Variants in ROBO2 observed in about 807,000 individuals in gnomAD.
ROBO2 encodes roundabout homolog 2.
A neutral mutation model predicts 160.8 loss-of-function variants in ROBO2; 53 were observed. The observed-to-expected ratio is 0.33, with a 90% CI of 0.26 to 0.41. The LOEUF (loss-of-function observed/expected upper bound fraction) is 0.41. ROBO2 is among the 10% of genes least tolerant of loss of function. The pLI, the probability that ROBO2 is intolerant of heterozygous loss-of-function variation, is 1.00. For missense variants in ROBO2, 1,577 were observed against 1,722.4 expected (o/e 0.92, Z 1.49); for synonymous variants, 664 against 611.7 (o/e 1.09, Z -1.26).
At chr3:77,151,575 A>G (rs1227624346) in intron 2 of ROBO2, among the ~76,000 whole-genome samples, 2 of 152,170 alleles carry the variant, frequency 1.3e-5, no homozygotes, top group African/African-American at 4.8e-5. Context: ...TTCTGTTAAC[A>G]TACACTATTT....
intron 6 of ROBO2, among the ~76,000 whole-genome samples, chr3:77,539,036 G>T (rs1010518909): frequency 6.6e-6 from 1 of 152,092 alleles, no homozygotes; most frequent in Admixed American, 6.5e-5. Context: ...TCCTGCCTCA[G>T]CCTCCTGAGG....
chr3:77,610,328 T>C (rs2153697709), intron 21 of ROBO2, among the ~76,000 whole-genome samples: 1 of 152,202 alleles, frequency 6.6e-6, no homozygotes, highest in South Asian at 2.1e-4. Flanking sequence ...TTTTTTGCTC[T>C]CCATACTTAT....
intron 2 of ROBO2, among the ~76,000 whole-genome samples, chr3:77,296,685 G>T (rs142468141): frequency 2.0e-4 from 30 of 152,078 alleles, no homozygotes; most frequent in Non-Finnish European, 3.8e-4. Flanking sequence ...ATTCTAGGCC[G>T]ATGGAAAAGG....
chr3:77,492,312 T>C (rs983552040), intron 4 of ROBO2, among the ~76,000 whole-genome samples: 1 of 152,212 alleles, frequency 6.6e-6, no homozygotes. Flanking sequence ...GGGAAGAAAC[T>C]GGACAAGGAA....
intron 2 of ROBO2, among the ~76,000 whole-genome samples, chr3:76,511,880 G>A (rs1429742619): frequency 1.3e-5 from 2 of 152,170 alleles, no homozygotes; most frequent in African/African-American, 2.4e-5. Flanking sequence ...TTTAACATTG[G>A]TAATGAGGAT....
intron 2 of ROBO2, among the ~76,000 whole-genome samples, chr3:76,819,242 C>T (rs1449637324): frequency 3.9e-5 from 6 of 151,942 alleles, no homozygotes; most frequent in Non-Finnish European, 8.8e-5. Context: ...CCTATCCAAA[C>T]GATATTTAAC....
intron 1 of ROBO2, among the ~76,000 whole-genome samples, chr3:77,081,469 C>T (rs2068652182): frequency 6.6e-6 from 1 of 152,158 alleles, no homozygotes; most frequent in Non-Finnish European, 1.5e-5. Flanking sequence ...CAGGCAAATA[C>T]AACTTCTGGA....
exon 1 of ROBO2, chr3:77,039,960 G>T (rs1042205659): frequency 3.1e-6 from 1 of 317,710 alleles, no homozygotes; most frequent in Non-Finnish European, 4.5e-6. Context: ...GGGCTCTCAC[G>T]CCCGTCTCTG....
chr3:76,223,609 T>C (rs1704112138), intron 2 of ROBO2, among the ~76,000 whole-genome samples: 1 of 152,176 alleles, frequency 6.6e-6, no homozygotes, highest in South Asian at 2.1e-4. Context: ...ATTTTAACAG[T>C]ACACATCCTT....
chr3:76,628,511 C>A (rs1208243057), intron 2 of ROBO2, among the ~76,000 whole-genome samples: 1 of 151,050 alleles, frequency 6.6e-6, no homozygotes, highest in Non-Finnish European at 1.5e-5. Context: ...CAAAGAATCA[C>A]CTTCAGCTCC....
At chr3:76,142,905 C>T (rs539283310) in intron 2 of ROBO2, among the ~76,000 whole-genome samples, 6 of 151,952 alleles carry the variant, frequency 3.9e-5, no homozygotes, top group Non-Finnish European at 5.9e-5. Context: ...AAAACATCTT[C>T]GCATGCCTCA....
intron 1 of ROBO2, among the ~76,000 whole-genome samples, chr3:77,051,625 G>T (rs1355605053): frequency 6.6e-6 from 1 of 152,198 alleles, no homozygotes; most frequent in African/African-American, 2.4e-5. Flanking sequence ...AAGTTTTGAA[G>T]CAGCGGCTAC....
chr3:76,241,103 A>G (rs1705255725), intron 2 of ROBO2, among the ~76,000 whole-genome samples: 1 of 152,228 alleles, frequency 6.6e-6, no homozygotes, highest in Non-Finnish European at 1.5e-5. Flanking sequence ...TTTACATTTC[A>G]TTAAAATGGT....
chr3:76,573,717 C>G (rs974450319), intron 2 of ROBO2, among the ~76,000 whole-genome samples: 1 of 151,990 alleles, frequency 6.6e-6, no homozygotes, highest in African/African-American at 2.4e-5. Context: ...CTCATCATAT[C>G]TACTTTTAAC....
intron 2 of ROBO2, among the ~76,000 whole-genome samples, chr3:76,792,605 G>A (rs1426689901): frequency 1.3e-5 from 2 of 151,552 alleles, no homozygotes; most frequent in Admixed American, 6.6e-5. Flanking sequence ...TACATATAAA[G>A]TTTGAAAATT....
intron 2 of ROBO2, among the ~76,000 whole-genome samples, chr3:76,219,799 C>A (rs982239948): frequency 6.6e-6 from 1 of 152,150 alleles, no homozygotes; most frequent in African/African-American, 2.4e-5. Flanking sequence ...ACTAGAAATA[C>A]CATTTGACTT....
intron 2 of ROBO2, among the ~76,000 whole-genome samples, chr3:76,176,830 C>T (rs1403706549): frequency 6.6e-6 from 1 of 151,910 alleles, no homozygotes; most frequent in Non-Finnish European, 1.5e-5. Context: ...TATAACCATC[C>T]AATAATATGT....
In ROBO2 at chr3:77,621,202, G is replaced by A. The variant is rs768938261; in HGVS notation, c.3555-1025G>A. Among the ~76,000 whole-genome samples, 7 of 152,260 alleles carry A rather than the reference G, an allele frequency of 4.6e-5. No homozygotes were observed. The East Asian group carries it at 5.8e-4, about 13-fold the overall frequency. Reference sequence around the variant, plus strand: ...GCACTTTGGGTTGCTGAGGCAGGACGCTTGCTTAAGCCCAGGAGTTTCAGA... The same window carrying A: ...GCACTTTGGGTTGCTGAGGCAGGACACTTGCTTAAGCCCAGGAGTTTCAGA... On this transcript the variant is annotated intron_variant, in intron 22 of 25. Coordinates refer to ENST00000461745, the Ensembl canonical transcript of ROBO2.
At chr3:77,562,046 T>G (rs967593757) in intron 9 of ROBO2, among the ~76,000 whole-genome samples, 1 of 151,878 alleles carries the variant, frequency 6.6e-6, no homozygotes, top group South Asian at 2.1e-4. Context: ...GAGGTTGCAG[T>G]GAGCTGAGAT....
Sources: gnomAD v4.1 joint callset for allele counts (sites outside exome capture counted in the v4.1 genomes callset) on GRCh38, gnomAD v4.1.1 for gene constraint, MANE v1.5 for transcripts, NCBI Gene and HGNC (gene_info 2026-07-23, HGNC 2026-07-21) for gene names.